C12orf42: variants seen among roughly 807,000 people sequenced by gnomAD.
C12orf42 encodes chromosome 12 open reading frame 42.
C12orf42 carries 25 observed loss-of-function variants against 21.6 expected under a neutral mutation model. The observed-to-expected ratio is 1.16, with a 90% CI of 0.84 to 1.62. The LOEUF (loss-of-function observed/expected upper bound fraction) is 1.62. Among genes scored for constraint, C12orf42 ranks in the 40% most tolerant of loss-of-function variants. The probability of loss-of-function intolerance (pLI) is 0.00; values close to 1 mark genes in which losing one functional copy is unlikely to be tolerated. For missense variants in C12orf42, 483 were observed against 459.3 expected (o/e 1.05, Z -0.47); for synonymous variants, 174 against 175.0 (o/e 0.99, Z 0.05).
chr12:103,463,254 T>G (rs1952865090), intron 2 of C12orf42, among the ~76,000 whole-genome samples: 1 of 152,208 alleles, frequency 6.6e-6, no homozygotes, highest in African/African-American at 2.4e-5. Flanking sequence ...CTCTTCTAGT[T>G]CTCCTTAACT....
At chr12:103,095,051 A>G in the C12orf42 span, among the ~76,000 whole-genome samples, 2 of 152,188 alleles carry the variant, frequency 1.3e-5, no homozygotes, top group African/African-American at 2.4e-5. Context: ...CCCAGAATCA[A>G]TTGGAAAATC....
chr12:103,181,968 A>T, the C12orf42 span, among the ~76,000 whole-genome samples: 4 of 152,190 alleles, frequency 2.6e-5, no homozygotes, highest in Non-Finnish European at 5.9e-5. Context: ...TGTAAGAATG[A>T]TGTTAAGTGT....
chr12:103,345,135 A>G (rs572358416), intron 4 of C12orf42, among the ~76,000 whole-genome samples: 30 of 152,340 alleles, frequency 2.0e-4, no homozygotes, highest in African/African-American at 7.0e-4. Context: ...AGTATTAATT[A>G]TACCCCTCAT....
intron 2 of C12orf42, among the ~76,000 whole-genome samples, chr12:103,432,768 C>T (rs1362491471): frequency 6.6e-6 from 1 of 152,072 alleles, no homozygotes; most frequent in Non-Finnish European, 1.5e-5. Context: ...GAAGTTAGGA[C>T]ACAGATACAC....
rs78143608 is a variant in C12orf42 at position 103,495,950 on chromosome 12, G to T, written c.-70C>A. The T allele has an allele frequency of 6.6e-6, 1 of 152,306 alleles. No homozygotes were observed. The highest frequency in any genetic ancestry group is 1.5e-5 in the Non-Finnish European group (1 of 68,156). 9.4% of individuals were successfully genotyped at this position (152,306 alleles called of 1,614,324 possible). ...CGGGGCGCCGCCCGCAGCCTCCTCC[G>T]CGGGAGCTGGAGCACTCTGCTGGGT... On this transcript the variant is annotated 5_prime_UTR_variant, in exon 1 of 6. Coordinates refer to ENST00000548883, the MANE Select transcript of C12orf42 (RefSeq NM_198521.5).
chr12:103,461,042 T>C (rs1952666395), intron 2 of C12orf42, among the ~76,000 whole-genome samples: 1 of 152,214 alleles, frequency 6.6e-6, no homozygotes, highest in African/African-American at 2.4e-5. Context: ...GTGGGCTTTA[T>C]GACAGTACAG....
the C12orf42 span, among the ~76,000 whole-genome samples, chr12:103,185,040 C>T: frequency 6.6e-6 from 1 of 151,984 alleles, no homozygotes. Flanking sequence ...TTTCTGTTGT[C>T]AAAGCCACCC....
At chr12:103,254,419 T>C (rs1456183463) in intron 10 of C12orf42, among the ~76,000 whole-genome samples, 3 of 152,294 alleles carry the variant, frequency 2.0e-5, no homozygotes, top group Middle Eastern at 3.4e-3. Context: ...GGTATCAGGA[T>C]GATGCTGGCC....
chr12:103,244,919 G>A (rs1351940274), intron 10 of C12orf42, among the ~76,000 whole-genome samples: 2 of 151,882 alleles, frequency 1.3e-5, no homozygotes, highest in East Asian at 3.9e-4. Context: ...TTTATTTGTG[G>A]TGACATCAGA....
chr12:103,100,385 A>G, the C12orf42 span, among the ~76,000 whole-genome samples: 83 of 152,354 alleles, frequency 5.4e-4, no homozygotes, highest in African/African-American at 1.9e-3. Context: ...TCCTGCCGAC[A>G]CGACCACTTG....
chr12:103,479,291 T>A (rs961824924), intron 1 of C12orf42, among the ~76,000 whole-genome samples: 2 of 152,174 alleles, frequency 1.3e-5, no homozygotes, highest in Admixed American at 6.5e-5. Context: ...TTTGTAGTTC[T>A]GAGGCTTGAG....
chr12:103,472,335 T>C (rs1233586521), intron 2 of C12orf42, among the ~76,000 whole-genome samples: 2 of 152,100 alleles, frequency 1.3e-5, no homozygotes, highest in East Asian at 1.9e-4. Flanking sequence ...ATTACAGGCG[T>C]GAGCCACCGC....
chr12:103,085,440 A>G, the C12orf42 span, among the ~76,000 whole-genome samples: 1 of 152,110 alleles, frequency 6.6e-6, no homozygotes, highest in South Asian at 2.1e-4. Context: ...TCTCTCCAGC[A>G]CGCGGGTCAT....
At chr12:103,167,877 GGC>G in the C12orf42 span, among the ~76,000 whole-genome samples, 1 of 119,090 alleles carries the variant, frequency 8.4e-6, no homozygotes, top group Admixed American at 8.8e-5. Context: ...CTGAGGGGTG[GGC>G]GTGTGTGTGT....
At chr12:103,467,077 C>T (rs1953198910) in intron 2 of C12orf42, among the ~76,000 whole-genome samples, 1 of 152,142 alleles carries the variant, frequency 6.6e-6, no homozygotes, top group Non-Finnish European at 1.5e-5. Flanking sequence ...GTAGCTGAAC[C>T]TCTCAAACAC....
chr12:103,259,619 T>C (rs965937971), intron 10 of C12orf42, among the ~76,000 whole-genome samples: 7 of 152,202 alleles, frequency 4.6e-5, no homozygotes, highest in African/African-American at 1.7e-4. Flanking sequence ...TCAGTTTTTA[T>C]ATAGGTTTTT....
intron 2 of C12orf42, among the ~76,000 whole-genome samples, chr12:103,449,614 T>C (rs1325120086): frequency 6.6e-6 from 1 of 152,078 alleles, no homozygotes; most frequent in Non-Finnish European, 1.5e-5. Flanking sequence ...TCCATATTCA[T>C]GGCTCTTTCT....
intron 4 of C12orf42, 94 bp downstream of exon 4, chr12:103,368,793 T>A: frequency 1.5e-6 from 1 of 648,696 alleles, no homozygotes; most frequent in Non-Finnish European, 2.6e-6. Context: ...ATAGCACAAC[T>A]GTTCTTCAAT....
At chr12:103,327,677 C>T (rs956660610) in intron 4 of C12orf42, among the ~76,000 whole-genome samples, 1 of 152,186 alleles carries the variant, frequency 6.6e-6, no homozygotes, top group African/African-American at 2.4e-5. Context: ...ATTTACCATA[C>T]ATACAGGTAG....
Sources: allele counts gnomAD v4.1 joint callset (sites outside exome capture counted in the v4.1 genomes callset), GRCh38; gene constraint gnomAD v4.1.1; transcripts MANE v1.5; gene names NCBI Gene and HGNC (gene_info 2026-07-23, HGNC 2026-07-21).